The following CLUAP1 variants were observed in gnomAD, a reference collection of about 807,000 sequenced individuals.
CLUAP1 encodes clusterin-associated protein 1.
A neutral mutation model predicts 55.0 loss-of-function variants in CLUAP1; 50 were observed. That is an observed-to-expected ratio of 0.91 (90% CI 0.72 to 1.15). The LOEUF is 1.15. Among genes scored for constraint, CLUAP1 ranks in the 50% most tolerant of loss-of-function variants. CLUAP1 has a pLI of 0.00. For synonymous variants in CLUAP1, 195 were observed against 175.4 expected (o/e 1.11, Z -0.88); for missense variants, 530 against 507.6 (o/e 1.04, Z -0.42).
At chr16:3,516,053 A>G (rs894068343) in intron 6 of CLUAP1, among the ~76,000 whole-genome samples, 2 of 152,198 alleles carry the variant, frequency 1.3e-5, no homozygotes, top group African/African-American at 4.8e-5. Context: ...CTCTAGACTC[A>G]GATTGCTTGG....
intron 1 of CLUAP1, 135 bp from the exon 2 acceptor site, chr16:3,504,585 T>C (rs74717372): frequency 0.018 from 10,793 of 599,748 alleles, 152 homozygotes; most frequent in East Asian, 0.035. Context: ...TGCTTTCCCT[T>C]GTAGAAAGTT....
At chr16:3,535,426 A>G (rs891424142) in intron 11 of CLUAP1, 2 of 152,086 alleles carry the variant, frequency 1.3e-5, no homozygotes, top group Non-Finnish European at 1.5e-5. Flanking sequence ...ACCGACAGGA[A>G]TGATCTAGAT....
chr16:3,496,619 C>T (rs1007583233), upstream of CLUAP1: 4 of 532,530 alleles, frequency 7.5e-6, no homozygotes, highest in African/African-American at 7.7e-5. Context: ...CCCCGTCCTA[C>T]TCTCCGGTCT....
chr16:3,530,462 A>T (rs1484061523), intron 9 of CLUAP1, 106 bp from the exon 10 acceptor site: 1 of 751,250 alleles, frequency 1.3e-6, no homozygotes, highest in Non-Finnish European at 2.3e-6. Flanking sequence ...CCTGGATAGA[A>T]TAAGAAATGA....
intron 4 of CLUAP1, among the ~76,000 whole-genome samples, chr16:3,512,159 C>T (rs1380918758): frequency 1.4e-5 from 2 of 146,946 alleles, no homozygotes; most frequent in African/African-American, 5.1e-5. Flanking sequence ...ACACTCCAGC[C>T]TAGGCAACAA....
chr16:3,520,041 A>T lies in CLUAP1; in HGVS notation c.713+5A>T, dbSNP rs759677831. On this transcript the variant is annotated splice_donor_5th_base_variant and intron_variant, in intron 7 of 11. Coordinates refer to ENST00000576634, the MANE Select transcript of CLUAP1 (RefSeq NM_015041.3). ...AGAGACTCTGCAGAGTGTCAGGTAG[A>T]TATGAACACTTGGAGAATGAGTAGA... The T allele has an allele frequency of 6.2e-7, 1 of 1,601,370 alleles. No individual in the cohort carries two copies. The highest frequency in any genetic ancestry group is 1.1e-5 in the South Asian group (1 of 88,094).
intron 9 of CLUAP1, among the ~76,000 whole-genome samples, chr16:3,529,502 A>T (rs1596402840): frequency 2.8e-5 from 2 of 71,254 alleles, no homozygotes; most frequent in South Asian, 7.2e-4. Flanking sequence ...ATATTATATT[A>T]TATATATTAT....
intron 8 of CLUAP1, among the ~76,000 whole-genome samples, chr16:3,524,596 C>CAAAAAAAAA (rs755040158): frequency 1.8e-4 from 6 of 34,278 alleles, no homozygotes; most frequent in African/African-American, 2.5e-4. Flanking sequence ...GACACCATCT[C>CAAAAAAAAA]AAAAAAAAAA....
At chr16:3,498,952 A>G (rs920434975), upstream of CLUAP1, among the ~76,000 whole-genome samples, 2 of 152,254 alleles carry the variant, frequency 1.3e-5, no homozygotes, top group Admixed American at 6.5e-5. Flanking sequence ...CAAATCATAT[A>G]TCTGATAAGG....
At chr16:3,519,157 C>A (rs551221841) in intron 6 of CLUAP1, among the ~76,000 whole-genome samples, 14 of 152,300 alleles carry the variant, frequency 9.2e-5, no homozygotes, top group African/African-American at 3.4e-4. Flanking sequence ...TTCAAATGAA[C>A]CTTCTCTTAG....
intron 5 of CLUAP1, among the ~76,000 whole-genome samples, chr16:3,514,087 C>T (rs2037685393): frequency 6.6e-6 from 1 of 152,238 alleles, no homozygotes; most frequent in Non-Finnish European, 1.5e-5. Flanking sequence ...AAGGTACCTC[C>T]AGGCTTTCCC....
chr16:3,501,351 G>A (rs912050936), intron 1 of CLUAP1, among the ~76,000 whole-genome samples: 3 of 152,252 alleles, frequency 2.0e-5, no homozygotes, highest in African/African-American at 7.2e-5. Flanking sequence ...AATGTGGCTA[G>A]TGCAGATGAA....
At chr16:3,504,153 A>G (rs905690962) in intron 1 of CLUAP1, among the ~76,000 whole-genome samples, 2 of 152,204 alleles carry the variant, frequency 1.3e-5, no homozygotes, top group African/African-American at 2.4e-5. Flanking sequence ...ATATGGTTGT[A>G]TAGTTCAACC....
chr16:3,526,556 GAT>G (rs202028616), intron 9 of CLUAP1, 72 bp downstream of exon 9: 110 of 784,892 alleles, frequency 1.4e-4, no homozygotes, highest in Middle Eastern at 7.3e-4. Flanking sequence ...TATATAGAGA[GAT>G]ATATATATAT....
chr16:3,496,555 G>T, upstream of CLUAP1: 1 of 547,712 alleles, frequency 1.8e-6, no homozygotes, highest in Non-Finnish European at 3.6e-6. Flanking sequence ...TCAGGGTGGG[G>T]GCCAAGATCC....
Position 3,519,890 on chromosome 16 carries a change from C to A in CLUAP1, c.580-13C>A. Reference sequence around the variant, plus strand: ...TATTGCCACCTTGTCTCATTATTTCCCATTAAATATAGACACAGGTTCAGA... The same window carrying A: ...TATTGCCACCTTGTCTCATTATTTCACATTAAATATAGACACAGGTTCAGA... On this transcript the variant is annotated splice_polypyrimidine_tract_variant and intron_variant, in intron 6 of 11. Transcript: ENST00000576634. 1 of 1,575,118 alleles carries A rather than the reference C, an allele frequency of 6.3e-7. No individual in the cohort carries two copies. The highest frequency in any genetic ancestry group is 8.6e-7 in the Non-Finnish European group (1 of 1,166,816).
At chr16:3,505,203 A>C (rs2037479084) in intron 2 of CLUAP1, among the ~76,000 whole-genome samples, 1 of 151,754 alleles carries the variant, frequency 6.6e-6, no homozygotes, top group Non-Finnish European at 1.5e-5. Context: ...ATGCTATTGC[A>C]CACCAGCCCG....
Position 3,537,370 on chromosome 16 carries a change from T to TA in CLUAP1, c.*1101dup, listed in dbSNP as rs1019182054. On this transcript the variant is annotated 3_prime_UTR_variant, in exon 12 of 12. Transcript: ENST00000576634. ...TTTCTTTTTTCTTCTTCTTTTTTTT[T>TA]AATATGAAAAGTACTTAGCTGGGAG... The TA allele has an allele frequency of 1.3e-5, 2 of 152,128 alleles. No homozygotes were observed. The highest frequency in any genetic ancestry group is 4.8e-5 in the African/African-American group (2 of 41,420). 9.4% of individuals were successfully genotyped at this position (152,128 alleles called of 1,614,324 possible).
chr16:3,496,565 C>T, upstream of CLUAP1: 2 of 543,464 alleles, frequency 3.7e-6, no homozygotes, highest in Non-Finnish European at 7.3e-6. Flanking sequence ...GGCCAAGATC[C>T]TGACTTTCGA....
Sources: allele counts gnomAD v4.1 joint callset (sites outside exome capture counted in the v4.1 genomes callset), GRCh38; gene constraint gnomAD v4.1.1; transcripts MANE v1.5; gene names NCBI Gene and HGNC (gene_info 2026-07-23, HGNC 2026-07-21).